Variants in POU1F1 observed in about 807,000 individuals in gnomAD.
POU1F1 encodes the protein pituitary-specific positive transcription factor 1.
A neutral mutation model predicts 32.3 loss-of-function variants in POU1F1; 23 were observed. The observed-to-expected ratio is 0.71, with a 90% CI of 0.51 to 1.01. The LOEUF is 1.01. POU1F1 is among the 50% of genes least tolerant of loss of function. The pLI is 0.00. For synonymous variants in POU1F1, 120 were observed against 115.6 expected, an observed-to-expected ratio of 1.04 and a Z score of -0.25; for missense variants, 323 against 341.6, an observed-to-expected ratio of 0.95 and a Z score of 0.43.
At chr3:87,261,839 C>T (rs911510452) in intron 4 of POU1F1, among the ~76,000 whole-genome samples, 2 of 152,104 alleles carry the variant, frequency 1.3e-5, no homozygotes, top group Non-Finnish European at 2.9e-5. Context: ...TGCCAACAAG[C>T]TTTCCTTATA....
At chr3:87,273,098 A>T (rs879561809) in intron 2 of POU1F1, among the ~76,000 whole-genome samples, 1 of 152,168 alleles carries the variant, frequency 6.6e-6, no homozygotes, top group Admixed American at 6.6e-5. Context: ...GAATTTCAAT[A>T]AAAACCATAC....
chr3:87,262,273 C>T (rs772092960), intron 3 of POU1F1, 38 bp from the exon 4 acceptor site: 1 of 1,611,982 alleles, frequency 6.2e-7, no homozygotes, highest in Admixed American at 1.7e-5. Flanking sequence ...CTCCAACTTT[C>T]CAGGAAATGT....
chr3:87,276,176 T>C, intron 1 of POU1F1, 145 bp downstream of exon 1: 4 of 996,826 alleles, frequency 4.0e-6, no homozygotes, highest in Non-Finnish European at 6.2e-6. Flanking sequence ...TTTTTAGATA[T>C]GCTTAATGCT....
rs572619187 is a variant in POU1F1 at position 87,270,513 on chromosome 3, C to T, written c.214+2834G>A. Among the ~76,000 whole-genome samples the T allele has an allele frequency of 4.6e-4, 70 of 152,226 alleles. 1 individual carries two copies. Among genetic ancestry groups the T allele is most frequent in the African/African-American group, 1.5e-3 (61 of 41,540 alleles). ...TGTGAGTTATTAATTTAATGAAATG[C>T]TCAAACTAAATGTAAGCATCAGAGT... On this transcript the variant is annotated intron_variant, in intron 2 of 5. Coordinates refer to ENST00000350375, the MANE Select transcript of POU1F1 (RefSeq NM_000306.4).
At chr3:87,261,071 C>T (rs1016020489) in intron 5 of POU1F1, among the ~76,000 whole-genome samples, 1 of 151,814 alleles carries the variant, frequency 6.6e-6, no homozygotes, top group Admixed American at 6.6e-5. Context: ...CCACCATGCC[C>T]GGCTAAATTT....
chr3:87,270,891 T>A (rs1422031085), intron 2 of POU1F1, among the ~76,000 whole-genome samples: 1 of 152,108 alleles, frequency 6.6e-6, no homozygotes, highest in Non-Finnish European at 1.5e-5. Flanking sequence ...ATGAAGCAAA[T>A]GCTAATACTG....
At chr3:87,271,940 T>C (rs573981428) in intron 2 of POU1F1, among the ~76,000 whole-genome samples, 16 of 152,280 alleles carry the variant, frequency 1.1e-4, no homozygotes, top group African/African-American at 3.6e-4. Flanking sequence ...TTCTGGATTA[T>C]TATTTTAAAG....
intron 2 of POU1F1, among the ~76,000 whole-genome samples, chr3:87,271,252 C>G (rs1319157854): frequency 6.6e-6 from 1 of 152,112 alleles, no homozygotes; most frequent in Non-Finnish European, 1.5e-5. Flanking sequence ...GAGCTGCCAA[C>G]ACTCTCAATG....
At chr3:87,271,075 C>G (rs1056467281) in intron 2 of POU1F1, among the ~76,000 whole-genome samples, 1 of 152,082 alleles carries the variant, frequency 6.6e-6, no homozygotes, top group Non-Finnish European at 1.5e-5. Flanking sequence ...AGTGATAGCT[C>G]CAGACCTTGG....
At chr3:87,266,061 C>T (rs1221335360) in intron 2 of POU1F1, among the ~76,000 whole-genome samples, 3 of 150,712 alleles carry the variant, frequency 2.0e-5, no homozygotes, top group African/African-American at 7.3e-5. Flanking sequence ...TCCACACATA[C>T]ATTCTCAAAT....
At chr3:87,261,094 A>G (rs1706506070) in intron 5 of POU1F1, among the ~76,000 whole-genome samples, 179 bp downstream of exon 5, 2 of 151,872 alleles carry the variant, frequency 1.3e-5, no homozygotes, top group South Asian at 4.2e-4. Flanking sequence ...TATTTTTAGT[A>G]GAAACAGAGT....
At chr3:87,269,853 G>A (rs1480830825) in intron 2 of POU1F1, among the ~76,000 whole-genome samples, 8 of 151,900 alleles carry the variant, frequency 5.3e-5, no homozygotes, top group Admixed American at 5.3e-4. Context: ...TTCTTGGTTT[G>A]GCCACTACAT....
intron 2 of POU1F1, among the ~76,000 whole-genome samples, chr3:87,265,518 C>T (rs2106931523): frequency 6.6e-6 from 1 of 152,084 alleles, no homozygotes; most frequent in Non-Finnish European, 1.5e-5. Flanking sequence ...TTTATCAATA[C>T]ATTACAATTT....
At chr3:87,276,128 T>C (rs1431253642) in intron 1 of POU1F1, among the ~76,000 whole-genome samples, 193 bp downstream of exon 1, 1 of 152,188 alleles carries the variant, frequency 6.6e-6, no homozygotes, top group Non-Finnish European at 1.5e-5. Flanking sequence ...ATTACTACAC[T>C]TACTAATATT....
At chr3:87,273,025 A>C (rs920608405) in intron 2 of POU1F1, among the ~76,000 whole-genome samples, 1 of 152,158 alleles carries the variant, frequency 6.6e-6, no homozygotes, top group Admixed American at 6.6e-5. Flanking sequence ...AGTAGCTACT[A>C]TATTTTTAGT....
chr3:87,261,983 AC>A lies in POU1F1; in HGVS notation c.604+87del, dbSNP rs1236710400. The A allele has an allele frequency of 4.6e-6, 7 of 1,519,084 alleles. No individual in the cohort carries two copies. The African/African-American group carries it at 9.6e-5, about 21-fold the overall frequency. The allele number at this position is 1,519,084 out of a possible 1,614,324, so 94.1% of individuals were successfully genotyped here. The stretch of plus-strand genomic sequence containing the variant: ...GAAAAGGCGGAAAAAAACCCCTCAA[AC>A]CTCCTGCTTTAGCATTAATCCTACT... On this transcript the variant is annotated intron_variant, in intron 4 of 5. Transcript: ENST00000350375.
chr3:87,270,919 G>A (rs186591342), intron 2 of POU1F1, among the ~76,000 whole-genome samples: 9 of 152,026 alleles, frequency 5.9e-5, no homozygotes, highest in Non-Finnish European at 8.8e-5. Context: ...TCCCAATATA[G>A]ACATTCTGAC....
chr3:87,264,045 C>G (rs1345908787), intron 3 of POU1F1, among the ~76,000 whole-genome samples: 2 of 151,764 alleles, frequency 1.3e-5, no homozygotes, highest in Admixed American at 1.3e-4. Flanking sequence ...ATGGGCACTT[C>G]AAAACTAATG....
intron 4 of POU1F1, 119 bp downstream of exon 4, chr3:87,261,952 C>A: frequency 8.2e-7 from 1 of 1,214,476 alleles, no homozygotes; most frequent in Non-Finnish European, 1.2e-6. Context: ...TTTTTCATCT[C>A]AAAGAGAAAA....
Sources: allele counts gnomAD v4.1 joint callset (sites outside exome capture counted in the v4.1 genomes callset), GRCh38; gene constraint gnomAD v4.1.1; transcripts MANE v1.5; gene names NCBI Gene and HGNC (gene_info 2026-07-23, HGNC 2026-07-21).